Variants in RALGAPB observed in about 807,000 individuals in gnomAD.
The protein encoded by RALGAPB is ral GTPase-activating protein subunit beta.
Under a neutral mutation model 161.1 loss-of-function variants are expected in RALGAPB, and 25 were observed. The ratio of observed to expected loss-of-function variants is 0.16; its 90% CI spans 0.11 to 0.22. The LOEUF is 0.22. Among genes scored for constraint, RALGAPB ranks in the 10% least tolerant of loss-of-function variants. RALGAPB has a pLI of 1.00. For missense variants in RALGAPB, 1,391 were observed against 1,815.2 expected (o/e 0.77, Z 4.25); for synonymous variants, 629 against 626.1 (o/e 1.00, Z -0.07).
chr20:38,570,076 C>T lies in RALGAPB; in HGVS notation c.4063+80C>T. The T allele has an allele frequency of 2.5e-6, 3 of 1,209,466 alleles. No homozygotes were observed. The South Asian group carries it at 3.8e-5, about 15-fold the overall frequency. 74.9% of individuals were successfully genotyped at this position (1,209,466 alleles called of 1,614,324 possible). Reference sequence around the variant, plus strand: ...GCTAAATGTCTACAGGGAGTGGGCACATAAGCCTGGTGTGGCCAGGAGCTA... The same window carrying T: ...GCTAAATGTCTACAGGGAGTGGGCATATAAGCCTGGTGTGGCCAGGAGCTA... On this transcript the variant is annotated intron_variant, in intron 27 of 29. Coordinates refer to ENST00000262879, the MANE Select transcript of RALGAPB (RefSeq NM_020336.4).
intron 6 of RALGAPB, among the ~76,000 whole-genome samples, chr20:38,515,091 C>G (rs2086085280): frequency 6.6e-6 from 1 of 152,148 alleles, no homozygotes; most frequent in South Asian, 2.1e-4. Context: ...AGCTTTACTC[C>G]TTGTTCTTCT....
chr20:38,485,899 G>A (rs553320314), intron 1 of RALGAPB, among the ~76,000 whole-genome samples: 9 of 149,966 alleles, frequency 6.0e-5, no homozygotes, highest in South Asian at 4.2e-4. Flanking sequence ...TTAAAGTTTA[G>A]CATCTTTTTT....
In RALGAPB at chr20:38,517,793, G is replaced by A; in HGVS notation, c.1210G>A (p.Ala404Thr). 1 of 1,612,652 alleles carries A rather than the reference G, an allele frequency of 6.2e-7. No individual in the cohort carries two copies. Among genetic ancestry groups the A allele is most frequent in the Non-Finnish European group, 8.5e-7 (1 of 1,178,716 alleles). The change falls in exon 9 of 30, where the codon GCT (alanine) becomes ACT (threonine). Residue 404 changes from alanine (A) to threonine (T), a missense_variant. Ala to Thr is a moderately conservative substitution (Grantham distance 58, BLOSUM62 0). Around this residue, in one of 3 missense-constraint regions of RALGAPB, gnomAD observed 946 missense variants for 1,257.2 expected, o/e 0.75. Transcript: ENST00000262879. ...ATMKTSTVSTAHASKVQHQTS... is the reference protein window; with the variant it reads ...ATMKTSTVSTTHASKVQHQTS... ...TGTGTTCGTCTAATAGGTTAGTACT[G>A]CTCATGCCTCTAAAGTTCAGCACCA...
Position 38,558,410 on chromosome 20 carries a change from T to C in RALGAPB, c.3488T>C (p.Val1163Ala). 6.2e-7 allele frequency: 1 copy of C among 1,604,018 alleles called. No homozygotes were observed. Among genetic ancestry groups the C allele is most frequent in the Non-Finnish European group, 8.5e-7 (1 of 1,174,496 alleles). Residue 1163 changes from valine (V) to alanine (A), a missense_variant, in exon 23 of 30, where the codon GTT (valine) becomes GCT (alanine). Around this residue, in one of 3 missense-constraint regions of RALGAPB, gnomAD observed 436 missense variants for 527.0 expected, o/e 0.83. Coordinates refer to ENST00000262879, the MANE Select transcript of RALGAPB (RefSeq NM_020336.4). ...TTGCCATGTCGTCCTTTTGACACAG[T>C]TTTTATTTTCTATATGAAGCCAGGT... is the stretch of plus-strand genomic sequence containing the variant. ...DLLPCRPFDT[V>A]FIFYMKPGQK...
At chr20:38,501,090 C>CTAA (rs1208085833) in intron 5 of RALGAPB, among the ~76,000 whole-genome samples, 1 of 152,170 alleles carries the variant, frequency 6.6e-6, no homozygotes, top group East Asian at 1.9e-4. Context: ...GATGATCTAG[C>CTAA]TAAGATCATT....
chr20:38,500,087 T>C (rs2085534063), intron 5 of RALGAPB: 1 of 152,164 alleles, frequency 6.6e-6, no homozygotes, highest in Non-Finnish European at 1.5e-5. Flanking sequence ...TAATTTTACC[T>C]TTTTGCCATT....
chr20:38,509,548 C>T (rs7267014), intron 6 of RALGAPB, among the ~76,000 whole-genome samples: 11,129 of 152,252 alleles, frequency 0.073, 1,417 homozygotes, highest in African/African-American at 0.25. Flanking sequence ...TTGCCTTGCT[C>T]CTCTCTGTGC....
intron 18 of RALGAPB, among the ~76,000 whole-genome samples, chr20:38,543,085 A>G (rs182637353): frequency 6.6e-6 from 1 of 152,088 alleles, no homozygotes; most frequent in Non-Finnish European, 1.5e-5. Flanking sequence ...CTTCTTCTCA[A>G]CCTCACCAGT....
Position 38,574,297 on chromosome 20 carries a change from T to C in RALGAPB, c.4290T>C (p.Leu1430=). The C allele has an allele frequency of 6.2e-7, 1 of 1,607,900 alleles. No individual in the cohort carries two copies. Among genetic ancestry groups the C allele is most frequent in the Non-Finnish European group, 8.5e-7 (1 of 1,178,062 alleles). The change falls in exon 29 of 30, where the codon CTT becomes CTC. Residue 1430 remains leucine, a splice_region_variant and synonymous_variant. Transcript: ENST00000262879. The stretch of plus-strand genomic sequence containing the variant: ...GGATGATTGTCAGCAGGCGAGCTCT[T>C]GGTAAGGTCTTCATATGTGGCCGAA... The part of the protein sequence containing the change: ...VDGMIVSRRA[L]GFLVRQTVIN...
chr20:38,479,184 T>C (rs1364084659), intron 1 of RALGAPB, among the ~76,000 whole-genome samples: 3 of 152,218 alleles, frequency 2.0e-5, no homozygotes, highest in African/African-American at 7.2e-5. Flanking sequence ...GGGCAGCCAT[T>C]GTGTTTTGTT....
In RALGAPB at chr20:38,575,465, C is replaced by T. The variant is rs2088402100; in HGVS notation, c.*498C>T. ...CACAGCCTTCTACTCAGTTGTAGGT[C>T]TTCTTGTCATCCAGCTGTCACACTG... On this transcript the variant is annotated 3_prime_UTR_variant, in exon 30 of 30. Coordinates refer to ENST00000262879, the MANE Select transcript of RALGAPB (RefSeq NM_020336.4). The T allele has an allele frequency of 6.5e-6, 1 of 153,800 alleles. No homozygotes were observed. The highest frequency in any genetic ancestry group is 1.5e-5 in the Non-Finnish European group (1 of 68,936). 9.5% of individuals were successfully genotyped at this position (153,800 alleles called of 1,614,324 possible). A position where few individuals can be genotyped will look rare whatever the true frequency, so the allele number is the denominator to read the frequency against.
rs773474763 is a variant in RALGAPB, at chr20:38,567,102, C to T, written c.3824C>T (p.Ser1275Leu). The T allele has an allele frequency of 1.4e-5, 23 of 1,612,754 alleles. No individual in the cohort carries two copies. Among genetic ancestry groups the T allele is most frequent in the Non-Finnish European group, 1.7e-5 (20 of 1,179,328 alleles). ...TTTTTCCTTTACCCCATAGCTGATT[C>T]ATTGGAAAGTAACATCTCGGACCAA... ...VPSPVESLTD[S>L]LESNISDQDS... The change falls in exon 26 of 30, where the codon TCA (serine) becomes TTA (leucine). Residue 1275 changes from serine (S) to leucine (L), a missense_variant. Physicochemically the swap from Ser to Leu is moderately radical, Grantham distance 145 (BLOSUM62 -2). Around this residue, in one of 3 missense-constraint regions of RALGAPB, gnomAD observed 436 missense variants for 527.0 expected, o/e 0.83. Coordinates refer to ENST00000262879, the MANE Select transcript of RALGAPB (RefSeq NM_020336.4).
intron 13 of RALGAPB, among the ~76,000 whole-genome samples, chr20:38,528,281 A>T (rs1240854851): frequency 6.6e-6 from 1 of 152,094 alleles, no homozygotes; most frequent in Non-Finnish European, 1.5e-5. Context: ...TACACCAGTT[A>T]AAAAATATCT....
At chr20:38,492,428 T>A (rs76495577) in intron 2 of RALGAPB, among the ~76,000 whole-genome samples, 1 of 147,516 alleles carries the variant, frequency 6.8e-6, no homozygotes, top group African/African-American at 2.5e-5. Context: ...ATTATTATTA[T>A]TTTTTTTTTT....
At chr20:38,563,229 A>G (rs1395653563) in intron 24 of RALGAPB, among the ~76,000 whole-genome samples, 1 of 152,250 alleles carries the variant, frequency 6.6e-6, no homozygotes, top group African/African-American at 2.4e-5. Flanking sequence ...GCTTATTACA[A>G]TGCTGATAAG....
chr20:38,473,225 C>T (rs996925542), intron 1 of RALGAPB, among the ~76,000 whole-genome samples, 156 bp downstream of exon 1: 1 of 152,126 alleles, frequency 6.6e-6, no homozygotes, highest in Admixed American at 6.5e-5. Flanking sequence ...TTTGGGAGAC[C>T]CACGGGGGCG....
rs1300313041 is a variant in RALGAPB at position 38,551,225 on chromosome 20, T to C, written c.3162+2T>C. The C allele has an allele frequency of 1.2e-6, 2 of 1,612,892 alleles. No homozygotes were observed. Among genetic ancestry groups the C allele is most frequent in the African/African-American group, 1.3e-5 (1 of 74,868 alleles). ...TTGCATGAAATAGTCACTGAAGAAG[T>C]AAGTACATTATTTTTAGCTGTTGTC... On this transcript the variant is annotated splice_donor_variant, in intron 21 of 29. Transcript: ENST00000262879. LOFTEE classifies it high-confidence loss of function.
intron 10 of RALGAPB, among the ~76,000 whole-genome samples, chr20:38,524,544 C>T (rs1056254529): frequency 3.3e-5 from 5 of 151,776 alleles, no homozygotes; most frequent in African/African-American, 9.7e-5. Context: ...GTATATGATT[C>T]AGAATTGTTC....
At chr20:38,561,151 C>T (rs1039576224) in intron 23 of RALGAPB, among the ~76,000 whole-genome samples, 5 of 152,164 alleles carry the variant, frequency 3.3e-5, no homozygotes, top group South Asian at 2.1e-4. Flanking sequence ...TGGTAAAACC[C>T]GTTTTTACTA....
Sources: gnomAD v4.1 joint callset for allele counts (sites outside exome capture counted in the v4.1 genomes callset) on GRCh38, gnomAD v4.1.1 for gene constraint, gnomAD v4.1.1 regional missense constraint, MANE v1.5 for transcripts, NCBI Gene and HGNC (gene_info 2026-07-23, HGNC 2026-07-21) for gene names.